The following SNX21 variants were observed in gnomAD, a reference collection of about 807,000 sequenced individuals.
SNX21 encodes sorting nexin family member 21.
In SNX21, 36 loss-of-function variants were observed where a neutral mutation model predicts 30.9. The observed-to-expected ratio is 1.16, with a 90% CI of 0.89 to 1.54. The LOEUF (loss-of-function observed/expected upper bound fraction) is 1.54. SNX21 is among the 40% of genes most tolerant of loss of function. The probability of loss-of-function intolerance (pLI) is 0.00; values close to 1 mark genes in which losing one functional copy is unlikely to be tolerated. For synonymous variants in SNX21, 218 were observed against 222.7 expected (o/e 0.98, Z 0.19); for missense variants, 508 against 516.5 (o/e 0.98, Z 0.16).
Position 45,843,075 on chromosome 20 carries a change from G to A in SNX21, c.*1762G>A, listed in dbSNP as rs1984365801. On this transcript the variant is annotated 3_prime_UTR_variant, in exon 4 of 4. Coordinates refer to ENST00000491381, the MANE Select transcript of SNX21 (RefSeq NM_033421.4). ...GAGAACTTAAAAATACAGTTTCCTG[G>A]ACCTTATCCAAGACCTACTGAGTGA... The A allele has an allele frequency of 2.6e-6, 3 of 1,155,668 alleles. No individual in the cohort carries two copies. Among genetic ancestry groups the A allele is most frequent in the Non-Finnish European group, 3.3e-6 (3 of 919,508 alleles). 71.6% of individuals were successfully genotyped at this position (1,155,668 alleles called of 1,614,324 possible).
Position 45,833,815 on chromosome 20 carries a change from G to A in SNX21, c.-105G>A, listed in dbSNP as rs146350111. 5.6e-4 allele frequency: 641 copies of A among 1,149,168 alleles called. 5 individuals carry two copies. The East Asian group carries it at 0.02, about 36-fold the overall frequency. 71.2% of individuals were successfully genotyped at this position (1,149,168 alleles called of 1,614,324 possible). A position where few individuals can be genotyped will look rare whatever the true frequency, so the allele number is the denominator to read the frequency against. On this transcript the variant is annotated 5_prime_UTR_variant, in exon 1 of 4. Coordinates refer to ENST00000491381, the MANE Select transcript of SNX21 (RefSeq NM_033421.4). ...GGCGGCGGCAGGAAGCTGCCCGAGCGGCGCTCTGAGCGGCCTGAGCCCGGC... is the reference window on the plus strand; with the variant it reads ...GGCGGCGGCAGGAAGCTGCCCGAGCAGCGCTCTGAGCGGCCTGAGCCCGGC...
Position 45,841,246 on chromosome 20 carries a change from AG to A in SNX21, c.1057del (p.Ala353GlnfsTer31), listed in dbSNP as rs771947808. 1 of 1,610,490 alleles carries A rather than the reference AG, an allele frequency of 6.2e-7. No homozygotes were observed. The highest frequency in any genetic ancestry group is 8.5e-7 in the Non-Finnish European group (1 of 1,178,542). On this transcript the variant is annotated frameshift_variant, in exon 4 of 4. Transcript: ENST00000491381. LOFTEE classifies it high-confidence loss of function. ...QSEARLQALQ[E>X]AGLTPTPPPS... ...GAGGCTCGGCTCCAAGCCCTGCAGG[AG>A]GCAGGCCTTACCCCCACACCACCCC... is the stretch of plus-strand genomic sequence containing the variant.
rs371237363 is a variant in SNX21, at chr20:45,841,274, C to T, written c.1083C>T (p.Pro361=). The T allele has an allele frequency of 3.8e-6, 6 of 1,587,502 alleles. No individual in the cohort carries two copies. Among genetic ancestry groups the T allele is most frequent in the South Asian group, 2.3e-5 (2 of 87,180 alleles). Residue 361 remains proline, a synonymous_variant, in exon 4 of 4, where the codon CCC becomes CCT. Transcript: ENST00000491381. ...CAGGCCTTACCCCCACACCACCCCC[C>T]AGTCTCAAAGAATTGCTCATCAAGG... ...QEAGLTPTPP[P]SLKELLIKEV...
At chr20:45,840,404 C>A (rs769041814) in intron 3 of SNX21, 96 of 1,614,102 alleles carry the variant, frequency 5.9e-5, no homozygotes, top group Admixed American at 5.0e-5. Flanking sequence ...AAGCTCATCT[C>A]TGTCTTTCTC....
chr20:45,838,741 G>A (rs895480170), intron 3 of SNX21, among the ~76,000 whole-genome samples: 4 of 151,922 alleles, frequency 2.6e-5, no homozygotes, highest in Non-Finnish European at 2.9e-5. Flanking sequence ...GCGACAGGGC[G>A]AGACTAAATA....
At chr20:45,834,490 C>T (rs749939828) in intron 2 of SNX21, 22 bp downstream of exon 2, 3 of 1,578,916 alleles carry the variant, frequency 1.9e-6, no homozygotes, top group South Asian at 1.1e-5. Context: ...AGGACGGAGG[C>T]GGGAACCCTG....
chr20:45,841,196 C>T lies in SNX21; in HGVS notation c.1005C>T (p.Arg335=), dbSNP rs910410773. 6.2e-7 allele frequency: 1 copy of T among 1,613,984 alleles called. No homozygotes were observed. Among genetic ancestry groups the T allele is most frequent in the Admixed American group, 1.7e-5 (1 of 60,018 alleles). ...FLEAHVRLSW[R]LGLDKRQSEA... is the part of the protein sequence containing the mutation. ...AGGCCCATGTCCGGCTCTCCTGGCG[C>T]CTGGGCCTGGACAAACGTCAATCAG... is the stretch of plus-strand genomic sequence containing the variant. Residue 335 remains arginine, a synonymous_variant, in exon 4 of 4, where the codon CGC becomes CGT. Transcript: ENST00000491381.
At chr20:45,834,558 G>C in intron 2 of SNX21, 90 bp downstream of exon 2, 1 of 1,435,118 alleles carries the variant, frequency 7.0e-7, no homozygotes, top group South Asian at 1.5e-5. Context: ...GCGCTAAGTT[G>C]ATCCAGCTGA....
In SNX21 at chr20:45,834,228, C is replaced by G; in HGVS notation, c.49C>G (p.Arg17Gly). ...EGAMASRLLH[R>G]LRHALAGDGP... ...TGCCATGGCCTCCCGGCTCCTGCAC[C>G]GGCTGCGGCACGCCTTGGCCGGCGA... Residue 17 changes from arginine (R) to glycine (G), a missense_variant, in exon 2 of 4, where the codon CGG becomes GGG. By Grantham distance (125) the Arg-to-Gly change is moderately radical (BLOSUM62 -2). Coordinates refer to ENST00000491381, the MANE Select transcript of SNX21 (RefSeq NM_033421.4). 1 of 1,557,118 alleles carries G rather than the reference C, an allele frequency of 6.4e-7. No homozygotes were observed. The highest frequency in any genetic ancestry group is 8.6e-7 in the Non-Finnish European group (1 of 1,160,048).
Position 45,841,737 on chromosome 20 carries a change from T to C in SNX21, c.*424T>C. The C allele has an allele frequency of 6.9e-7, 1 of 1,441,636 alleles. No individual in the cohort carries two copies. The highest frequency in any genetic ancestry group is 9.1e-7 in the Non-Finnish European group (1 of 1,103,648). The allele number at this position is 1,441,636 out of a possible 1,614,324, so 89.3% of individuals were successfully genotyped here. A position where few individuals can be genotyped will look rare whatever the true frequency, so the allele number is the denominator to read the frequency against. On this transcript the variant is annotated 3_prime_UTR_variant, in exon 4 of 4. Transcript: ENST00000491381. The stretch of plus-strand genomic sequence containing the variant: ...GCCAGCCACTCCAGTGGTATCAGTC[T>C]CTTTATTGGATGTGAGGGCCAAAAG...
chr20:45,834,197 C>G lies in SNX21; in HGVS notation c.22-4C>G, dbSNP rs754394404. 3.7e-5 allele frequency: 56 copies of G among 1,510,560 alleles called. No homozygotes were observed. Among genetic ancestry groups the G allele is most frequent in the Middle Eastern group, 2.0e-4 (1 of 4,984 alleles). 93.6% of individuals were successfully genotyped at this position (1,510,560 alleles called of 1,614,324 possible). On this transcript the variant is annotated splice_polypyrimidine_tract_variant and splice_region_variant and intron_variant, in intron 1 of 3. Coordinates refer to ENST00000491381, the MANE Select transcript of SNX21 (RefSeq NM_033421.4). ...CGGTACACAGCGTCGCGCGCTCCCC[C>G]CAGGGTGCCATGGCCTCCCGGCTCC... is the stretch of plus-strand genomic sequence containing the variant.
chr20:45,839,267 G>C (rs1983802291), intron 3 of SNX21, among the ~76,000 whole-genome samples: 1 of 152,078 alleles, frequency 6.6e-6, no homozygotes, highest in Non-Finnish European at 1.5e-5. Flanking sequence ...TATAATCCCA[G>C]CACTCTGGGA....
chr20:45,835,257 G>A, intron 3 of SNX21, 141 bp downstream of exon 3: 1 of 1,026,850 alleles, frequency 9.7e-7, no homozygotes, highest in Non-Finnish European at 1.4e-6. Context: ...AGGTCAGAAA[G>A]GGGATGTAAC....
In SNX21 at chr20:45,842,926, T is replaced by G; in HGVS notation, c.*1613T>G. The G allele has an allele frequency of 1.4e-5, 14 of 1,006,188 alleles. No individual in the cohort carries two copies. Among genetic ancestry groups the G allele is most frequent in the Non-Finnish European group, 1.7e-5 (14 of 841,404 alleles). The allele number at this position is 1,006,188 out of a possible 1,614,324, so 62.3% of individuals were successfully genotyped here. On this transcript the variant is annotated 3_prime_UTR_variant, in exon 4 of 4. Transcript: ENST00000491381. ...GAAATGTACTCCCTTGGAAAGGAGG[T>G]CAGGGTTCTGAAGCTAGACATTGAT...
chr20:45,838,583 G>A (rs1056489061), intron 3 of SNX21, among the ~76,000 whole-genome samples: 1 of 151,620 alleles, frequency 6.6e-6, no homozygotes, highest in Non-Finnish European at 1.5e-5. Flanking sequence ...GTGAAACCCC[G>A]ACACTACTAA....
At chr20:45,839,975 A>G (rs940083390) in intron 3 of SNX21, 3 of 178,716 alleles carry the variant, frequency 1.7e-5, no homozygotes, top group Non-Finnish European at 3.2e-5. Context: ...ACACCACCTA[A>G]AAACCTCAGG....
Position 45,835,053 on chromosome 20 carries a change from C to T in SNX21, c.384C>T (p.Pro128=), listed in dbSNP as rs754968311. The change falls in exon 3 of 4, where the codon CCC becomes CCT. Residue 128 remains proline, a synonymous_variant. Transcript: ENST00000491381. The part of the protein sequence containing the change: ...FWKKSRNTLA[P]QRLLFEVTSA... ...AGAAGTCCCGGAACACCTTGGCACC[C>T]CAGCGGCTGCTCTTCGAAGTGACCA... 2 of 1,614,200 alleles carry T rather than the reference C, an allele frequency of 1.2e-6. No individual in the cohort carries two copies. The highest frequency in any genetic ancestry group is 1.3e-5 in the African/African-American group (1 of 75,056).
intron 3 of SNX21, chr20:45,838,236 ATTCTTT>A (rs146474943): frequency 0.058 from 8,573 of 149,042 alleles, 620 homozygotes; most frequent in African/African-American, 0.16. Flanking sequence ...TGCCCAACTA[ATTCTTT>A]TTCTTTTTCT....
intron 3 of SNX21, among the ~76,000 whole-genome samples, chr20:45,836,490 C>CAAAAAA (rs74176824): frequency 0.13 from 6,604 of 50,612 alleles, 708 homozygotes; most frequent in Non-Finnish European, 0.18. Context: ...GACTCCGTCT[C>CAAAAAA]AAAAAAAAAA....
Sources: allele counts gnomAD v4.1 joint callset (sites outside exome capture counted in the v4.1 genomes callset), GRCh38; gene constraint gnomAD v4.1.1; transcripts MANE v1.5; gene names NCBI Gene and HGNC (gene_info 2026-07-23, HGNC 2026-07-21).